Variants in STON1 observed in about 807,000 individuals in gnomAD.
The protein encoded by STON1 is stonin-1.
A neutral mutation model predicts 60.9 loss-of-function variants in STON1; 79 were observed. That is an observed-to-expected ratio of 1.30 (90% CI 1.08 to 1.56). STON1 has a LOEUF of 1.56. STON1 is among the 40% of genes most tolerant of loss of function. The pLI, the probability that STON1 is intolerant of heterozygous loss-of-function variation, is 0.00. For missense variants in STON1, 1,166 were observed against 858.9 expected (o/e 1.36, Z -4.47); for synonymous variants, 363 against 306.9 (o/e 1.18, Z -1.91).
intron 1 of STON1, among the ~76,000 whole-genome samples, chr2:48,564,931 C>T (rs980685322): frequency 6.1e-5 from 9 of 148,518 alleles, no homozygotes; most frequent in South Asian, 4.2e-4. Context: ...CGGGGTTTCA[C>T]CATGTTGGGC....
At chr2:48,563,699 G>T (rs925588159) in intron 1 of STON1, among the ~76,000 whole-genome samples, 6 of 149,670 alleles carry the variant, frequency 4.0e-5, no homozygotes, top group Non-Finnish European at 1.5e-5. Flanking sequence ...TGTTTTTGTT[G>T]TTGTTGTTGT....
At chr2:48,564,474 T>C (rs1156584356) in intron 1 of STON1, among the ~76,000 whole-genome samples, 13 of 51,292 alleles carry the variant, frequency 2.5e-4, no homozygotes, top group African/African-American at 7.8e-4. Context: ...CTTCTTCTTC[T>C]TCTTCTTTCT....
intron 1 of STON1, among the ~76,000 whole-genome samples, chr2:48,556,263 A>G (rs1221459200): frequency 5.3e-5 from 1 of 18,798 alleles, no homozygotes; most frequent in Non-Finnish European, 1.1e-4. Flanking sequence ...GGCCGGGCAG[A>G]GGGGCTCCTC....
chr2:48,564,476 CTTCTTTCTTCTTCTTCTTCTTCTTCTT>C (rs1672782601), intron 1 of STON1, among the ~76,000 whole-genome samples: 1 of 50,356 alleles, frequency 2.0e-5, no homozygotes, highest in Non-Finnish European at 4.1e-5. Context: ...TCTTCTTCTT[CTTCTTTCTTCTTCTTCTTCTTCTTCTT>C]CTTCTTCTTC....
chr2:48,567,056 A>G (rs1385357413), intron 1 of STON1, among the ~76,000 whole-genome samples: 1 of 152,172 alleles, frequency 6.6e-6, no homozygotes, highest in Non-Finnish European at 1.5e-5. Flanking sequence ...TGGAAAAATG[A>G]AGGTTAAATG....
At chr2:48,577,806 C>A (rs974885751) in intron 1 of STON1, among the ~76,000 whole-genome samples, 1 of 151,180 alleles carries the variant, frequency 6.6e-6, no homozygotes, top group African/African-American at 2.4e-5. Flanking sequence ...AGTAGAGACG[C>A]GATTTCACCA....
intron 1 of STON1, chr2:48,530,847 G>C (rs1047591442): frequency 1.3e-5 from 2 of 152,298 alleles, no homozygotes; most frequent in African/African-American, 4.8e-5. Context: ...CATTCACTGG[G>C]TATTGGGGTT....
At chr2:48,591,479 C>G (rs564605420) in intron 2 of STON1, among the ~76,000 whole-genome samples, 174 bp from the exon 3 acceptor site, 30 of 151,998 alleles carry the variant, frequency 2.0e-4, no homozygotes, top group African/African-American at 6.8e-4. Flanking sequence ...ACAGCTTTCC[C>G]CCTAGTTGGT....
At chr2:48,537,559 A>G (rs1358690606) in intron 1 of STON1, among the ~76,000 whole-genome samples, 3 of 152,146 alleles carry the variant, frequency 2.0e-5, no homozygotes, top group South Asian at 4.1e-4. Context: ...TTTTTAAAAT[A>G]TTGGTCTGGC....
intron 2 of STON1, among the ~76,000 whole-genome samples, chr2:48,586,532 T>A (rs745351064): frequency 3.9e-5 from 6 of 152,286 alleles, no homozygotes; most frequent in Admixed American, 1.3e-4. Flanking sequence ...GCTGAAGAGC[T>A]GATGGCTGGG....
At chr2:48,564,416 CTTCTTCT>C (rs1672747818) in intron 1 of STON1, among the ~76,000 whole-genome samples, 1 of 48,904 alleles carries the variant, frequency 2.0e-5, no homozygotes, top group African/African-American at 7.2e-5. Context: ...TCTTCTTCTT[CTTCTTCT>C]TCTTCTTCTT....
At chr2:48,563,749 A>G (rs184753232) in intron 1 of STON1, among the ~76,000 whole-genome samples, 331 of 151,644 alleles carry the variant, frequency 2.2e-3, no homozygotes, top group African/African-American at 6.7e-3. Flanking sequence ...GCTGGAGTGC[A>G]GTGGTGTGAT....
intron 1 of STON1, among the ~76,000 whole-genome samples, chr2:48,556,786 G>C (rs1452749443): frequency 9.9e-5 from 6 of 60,450 alleles, no homozygotes; most frequent in Non-Finnish European, 1.6e-4. Flanking sequence ...ACGGCTGCCC[G>C]GGCGGGGGGG....
At chr2:48,565,077 G>T (rs1403032105) in intron 1 of STON1, among the ~76,000 whole-genome samples, 4 of 135,526 alleles carry the variant, frequency 3.0e-5, no homozygotes, top group Non-Finnish European at 6.2e-5. Context: ...TTATAAGAAG[G>T]AGTCTCGCTC....
chr2:48,556,246 G>A (rs1302382025), intron 1 of STON1, among the ~76,000 whole-genome samples: 2 of 30,900 alleles, frequency 6.5e-5, no homozygotes, highest in African/African-American at 1.1e-4. Flanking sequence ...TCCCGGACGG[G>A]GCGGCTGGCC....
intron 1 of STON1, among the ~76,000 whole-genome samples, chr2:48,538,781 T>A (rs1035987953): frequency 4.0e-5 from 6 of 148,652 alleles, no homozygotes; most frequent in African/African-American, 1.5e-4. Context: ...TTTTTTTTTT[T>A]TTTTTTTTAT....
chr2:48,587,067 C>A (rs1674249289), intron 2 of STON1, among the ~76,000 whole-genome samples: 1 of 152,168 alleles, frequency 6.6e-6, no homozygotes, highest in African/African-American at 2.4e-5. Flanking sequence ...GTCCTGGCCA[C>A]ATGTTAGCAT....
At chr2:48,551,371 G>T (rs567987502) in intron 1 of STON1, among the ~76,000 whole-genome samples, 2 of 152,320 alleles carry the variant, frequency 1.3e-5, no homozygotes, top group South Asian at 4.1e-4. Context: ...ATGCAATTGA[G>T]CTCATAGTTC....
At chr2:48,552,023 C>G (rs1672127520) in intron 1 of STON1, among the ~76,000 whole-genome samples, 3 of 152,254 alleles carry the variant, frequency 2.0e-5, no homozygotes. Flanking sequence ...GGGAACCCAG[C>G]TCTGCTTTCC....
Sources: gnomAD v4.1 joint callset for allele counts (sites outside exome capture counted in the v4.1 genomes callset) on GRCh38, gnomAD v4.1.1 for gene constraint, MANE v1.5 for transcripts, NCBI Gene and HGNC (gene_info 2026-07-23, HGNC 2026-07-21) for gene names.